The following FNDC3A variants were observed in gnomAD, a reference collection of about 807,000 sequenced individuals.
The protein encoded by FNDC3A is fibronectin type-III domain-containing protein 3A.
Under a neutral mutation model 148.9 loss-of-function variants are expected in FNDC3A, and 32 were observed. The ratio of observed to expected loss-of-function variants is 0.21; its 90% confidence interval spans 0.16 to 0.29. FNDC3A has a LOEUF of 0.29. Ranked by LOEUF, FNDC3A falls within the 10% of genes least tolerant of loss-of-function variation. The probability of loss-of-function intolerance (pLI) is 1.00; values close to 1 mark genes in which losing one functional copy is unlikely to be tolerated. For synonymous variants in FNDC3A, 472 were observed against 473.6 expected, an observed-to-expected ratio of 1.00 and a Z score of 0.04; for missense variants, 1,191 against 1,452.8, an observed-to-expected ratio of 0.82 and a Z score of 2.93.
At chr13:49,204,003 T>C (rs758357170) in intron 25 of FNDC3A, among the ~76,000 whole-genome samples, 5 of 152,202 alleles carry the variant, frequency 3.3e-5, no homozygotes, top group Non-Finnish European at 7.3e-5. Flanking sequence ...AGACACAACG[T>C]TGTTTTGACT....
intron 3 of FNDC3A, among the ~76,000 whole-genome samples, chr13:49,105,580 C>A (rs1045901011): frequency 1.3e-5 from 2 of 152,184 alleles, no homozygotes; most frequent in African/African-American, 4.8e-5. Flanking sequence ...AATGAACTGC[C>A]TGCTAGTTGA....
chr13:49,123,017 C>CA (rs1566265470), intron 4 of FNDC3A, among the ~76,000 whole-genome samples: 1 of 151,948 alleles, frequency 6.6e-6, no homozygotes, highest in Admixed American at 6.6e-5. Context: ...CATATGGAAC[C>CA]AAAAAAGAGC....
At chr13:49,010,375 C>G (rs544641686) in intron 2 of FNDC3A, among the ~76,000 whole-genome samples, 1 of 152,250 alleles carries the variant, frequency 6.6e-6, no homozygotes, top group Non-Finnish European at 1.5e-5. Context: ...AGAAGTATGC[C>G]TCTGGCCAAG....
At chr13:49,072,302 C>A (rs1877749219) in intron 2 of FNDC3A, among the ~76,000 whole-genome samples, 1 of 151,902 alleles carries the variant, frequency 6.6e-6, no homozygotes, top group Admixed American at 6.6e-5. Context: ...GTTCTTGATT[C>A]CTTTGATGAA....
chr13:49,014,573 C>T (rs1383276820), intron 2 of FNDC3A, among the ~76,000 whole-genome samples: 29 of 150,848 alleles, frequency 1.9e-4, no homozygotes, highest in South Asian at 4.2e-4. Flanking sequence ...ATGGTAGTTT[C>T]TTTTGCTGTG....
intron 2 of FNDC3A, among the ~76,000 whole-genome samples, chr13:49,023,562 C>G (rs543153180): frequency 6.6e-6 from 1 of 151,892 alleles, no homozygotes; most frequent in South Asian, 2.1e-4. Context: ...GATTCTTGGT[C>G]TAAAAAGAAT....
chr13:49,040,308 C>T (rs1874827241), intron 2 of FNDC3A, among the ~76,000 whole-genome samples: 1 of 152,172 alleles, frequency 6.6e-6, no homozygotes, highest in Non-Finnish European at 1.5e-5. Flanking sequence ...GGACTGTTGG[C>T]ATATATTCAG....
In FNDC3A at chr13:49,087,188, T is replaced by C. The variant is rs189782027; in HGVS notation, c.175+11824T>C. 7.2e-5 allele frequency among the ~76,000 whole-genome samples: 11 copies of C among 152,238 alleles called. 1 individual carries two copies. The South Asian group carries it at 2.3e-3, about 32-fold the overall frequency. The stretch of plus-strand genomic sequence containing the variant: ...ATAAAATCTAAGCCAGTTTAGTGAG[T>C]GCTATTAAAATAAGCAACAAAAATA... On this transcript the variant is annotated intron_variant, in intron 3 of 25. Transcript: ENST00000492622.
At chr13:49,029,861 A>G (rs763870183) in intron 2 of FNDC3A, among the ~76,000 whole-genome samples, 1 of 152,206 alleles carries the variant, frequency 6.6e-6, no homozygotes, top group Non-Finnish European at 1.5e-5. Context: ...GTCTAAGTGA[A>G]CTAGACAAAT....
chr13:49,102,249 A>G (rs1315187471), intron 3 of FNDC3A, among the ~76,000 whole-genome samples: 1 of 151,968 alleles, frequency 6.6e-6, no homozygotes, highest in Non-Finnish European at 1.5e-5. Flanking sequence ...TTGGTGCTAC[A>G]TATATCTTAA....
rs749111856 is a variant in FNDC3A at position 49,188,381 on chromosome 13, G to A, written c.1826-134G>A. 29 of 639,252 alleles carry A rather than the reference G, an allele frequency of 4.5e-5. No homozygotes were observed. In the South Asian group the frequency reaches 4.6e-4, roughly 10 times the overall value. The allele number at this position is 639,252 out of a possible 1,614,324, so 39.6% of individuals were successfully genotyped here. A position where few individuals can be genotyped will look rare whatever the true frequency, so the allele number is the denominator to read the frequency against. On this transcript the variant is annotated intron_variant, in intron 16 of 25. Transcript: ENST00000492622. ...AAAATTAGATCATTTCCAGGAAACC[G>A]AAACAAACCTAAATTGTTTCTGACA...
At chr13:49,187,697 C>T in intron 16 of FNDC3A, 1 of 1,502,316 alleles carries the variant, frequency 6.7e-7, no homozygotes, top group South Asian at 1.1e-5. Flanking sequence ...CTGCGAAAGG[C>T]ACAGAAACCG....
chr13:49,037,039 A>G (rs995813480), intron 2 of FNDC3A, among the ~76,000 whole-genome samples: 3 of 152,224 alleles, frequency 2.0e-5, no homozygotes, highest in Non-Finnish European at 4.4e-5. Flanking sequence ...AGTAAAGAGT[A>G]TGCAGATCCT....
At chr13:49,106,617 T>G (rs1880191058) in intron 3 of FNDC3A, among the ~76,000 whole-genome samples, 2 of 152,224 alleles carry the variant, frequency 1.3e-5, no homozygotes, top group South Asian at 4.1e-4. Context: ...AGCCTCTCTT[T>G]TTTATTTTAT....
chr13:48,986,084 CTG>C (rs1253242588), intron 1 of FNDC3A, among the ~76,000 whole-genome samples: 7 of 152,164 alleles, frequency 4.6e-5, no homozygotes, highest in Non-Finnish European at 1.0e-4. Flanking sequence ...GGATCTGAAA[CTG>C]TGTTAAAGTG....
At chr13:49,187,517 G>A (rs980232226) in intron 16 of FNDC3A, 3 of 1,604,918 alleles carry the variant, frequency 1.9e-6, no homozygotes, top group Admixed American at 3.3e-5. Context: ...ACAAGAAAGG[G>A]TGTAGCAAAT....
At chr13:49,019,584 C>G (rs755352180) in intron 2 of FNDC3A, among the ~76,000 whole-genome samples, 4 of 152,252 alleles carry the variant, frequency 2.6e-5, no homozygotes, top group African/African-American at 9.6e-5. Flanking sequence ...TCTCTGGGAG[C>G]TGTAGACCGG....
intron 2 of FNDC3A, among the ~76,000 whole-genome samples, chr13:49,024,924 A>T (rs1406586748): frequency 6.6e-6 from 1 of 151,818 alleles, no homozygotes; most frequent in Non-Finnish European, 1.5e-5. Context: ...TATTTTGCCT[A>T]TTTTTCTCTC....
chr13:49,062,855 A>T (rs773370593), intron 2 of FNDC3A, among the ~76,000 whole-genome samples: 109 of 152,194 alleles, frequency 7.2e-4, no homozygotes, highest in Admixed American at 1.0e-3. Flanking sequence ...TACCTGCAAG[A>T]GTGTGTGCCA....
Sources: gnomAD v4.1 joint callset for allele counts (sites outside exome capture counted in the v4.1 genomes callset) on GRCh38, gnomAD v4.1.1 for gene constraint, MANE v1.5 for transcripts, NCBI Gene and HGNC (gene_info 2026-07-23, HGNC 2026-07-21) for gene names.